SMO: variants seen among roughly 807,000 people sequenced by gnomAD.
SMO encodes the protein smoothened, frizzled class receptor, also known as protein smoothened.
Under a neutral mutation model 81.6 loss-of-function variants are expected in SMO, and 40 were observed. The ratio of observed to expected loss-of-function variants is 0.49; its 90% CI spans 0.38 to 0.64. The LOEUF is 0.64. Ranked by LOEUF, SMO falls within the 30% of genes least tolerant of loss-of-function variation. The pLI, the probability that SMO is intolerant of heterozygous loss-of-function variation, is 0.00. For synonymous variants in SMO, 434 were observed against 432.1 expected, an observed-to-expected ratio of 1.00 and a Z score of -0.05; for missense variants, 916 against 1,061.1, an observed-to-expected ratio of 0.86 and a Z score of 1.90.
chr7:129,206,060 A>G lies in SMO; in HGVS notation c.921-90A>G. ...TGACTTCTGGGAACCTCCAGACCTC[A>G]GCAGCTGAGGGTCTGGGCACAGGGT... On this transcript the variant is annotated intron_variant, in intron 4 of 11. Coordinates refer to ENST00000249373, the MANE Select transcript of SMO (RefSeq NM_005631.5). This position sits in a 1 kb window ranked among gnomAD's most constrained non-coding sequence, Gnocchi z 4.4. The G allele has an allele frequency of 8.8e-7, 1 of 1,130,000 alleles. No homozygotes were observed. Among genetic ancestry groups the G allele is most frequent in the Non-Finnish European group, 1.3e-6 (1 of 778,674 alleles). 70.0% of individuals were successfully genotyped at this position (1,130,000 alleles called of 1,614,324 possible). A position where few individuals can be genotyped will look rare whatever the true frequency, so the allele number is the denominator to read the frequency against.
At position 129,206,539 on chromosome 7, in the gene SMO, G is replaced by C; in HGVS notation, c.1216G>C (p.Ala406Pro). 1 of 1,614,172 alleles carries C rather than the reference G, an allele frequency of 6.2e-7. No homozygotes were observed. The highest frequency in any genetic ancestry group is 8.5e-7 in the Non-Finnish European group (1 of 1,180,030). The change falls in exon 6 of 12, where the codon GCC becomes CCC. Residue 406 changes from alanine (A) to proline (P), a missense_variant. This residue lies in a region of SMO where 436 missense variants were observed against 570.9 expected (regional missense o/e 0.76). Coordinates refer to ENST00000249373, the MANE Select transcript of SMO (RefSeq NM_005631.5). The surrounding 1 kb of genome is among the most constrained non-coding windows in gnomAD (Gnocchi z 4.4). ...CCGATACCGTGCGGGCTTCGTGCTG[G>C]CCCCAATCGGCCTGGTGCTCATCGT... ...NYRYRAGFVL[A>P]PIGLVLIVGG... is the part of the protein sequence containing the mutation.
intron 1 of SMO, among the ~76,000 whole-genome samples, chr7:129,192,833 C>G (rs1793499504): frequency 6.6e-6 from 1 of 152,136 alleles, no homozygotes; most frequent in South Asian, 2.1e-4. Flanking sequence ...CATTGGACAT[C>G]TATGTGGAGA....
At chr7:129,203,695 G>C (rs1229636946) in intron 2 of SMO, 106 bp downstream of exon 2, 1 of 856,352 alleles carries the variant, frequency 1.2e-6, no homozygotes, top group Non-Finnish European at 1.8e-6. Context: ...GTCTCCTGGA[G>C]ACCCTGAGCC....
rs1168369080 is a variant in SMO, at chr7:129,203,348, G to T, written c.332-36G>T. On this transcript the variant is annotated intron_variant, in intron 1 of 11. Transcript: ENST00000249373. Reference sequence around the variant, plus strand: ...AGCTGCGTCTGTGGGTCAGAGTGAGGAGGGGCCTTCACTGCAATGCTGTTG... The same window carrying T: ...AGCTGCGTCTGTGGGTCAGAGTGAGTAGGGGCCTTCACTGCAATGCTGTTG... 4.1e-6 allele frequency: 6 copies of T among 1,481,478 alleles called. No homozygotes were observed. In the South Asian group the frequency reaches 7.4e-5, roughly 18 times the overall value. 91.8% of individuals were successfully genotyped at this position (1,481,478 alleles called of 1,614,324 possible).
rs1793741069 is a variant in SMO at position 129,205,075 on chromosome 7, A to G, written c.538-128A>G. ...GAGAGGCCAAATAATTTGCCAAGCCAGCCCTGGGATTCAGGTCCTGGAAGT... is the reference window on the plus strand; with the variant it reads ...GAGAGGCCAAATAATTTGCCAAGCCGGCCCTGGGATTCAGGTCCTGGAAGT... On this transcript the variant is annotated intron_variant, in intron 2 of 11. Coordinates refer to ENST00000249373, the MANE Select transcript of SMO (RefSeq NM_005631.5). 1.1e-5 allele frequency: 8 copies of G among 742,602 alleles called. No individual in the cohort carries two copies. In the South Asian group the frequency reaches 1.3e-4, roughly 12 times the overall value. 46.0% of individuals were successfully genotyped at this position (742,602 alleles called of 1,614,324 possible).
At position 129,205,261 on chromosome 7, in the gene SMO, G is replaced by A. The variant is rs759466401; in HGVS notation, c.596G>A (p.Arg199Gln). 21 of 1,614,076 alleles carry A rather than the reference G, an allele frequency of 1.3e-5. No homozygotes were observed. The highest frequency in any genetic ancestry group is 1.2e-4 in the African/African-American group (9 of 74,934). ...SSGQCEVPLVRTDNPKSWYED... is the reference protein window; with the variant it reads ...SSGQCEVPLVQTDNPKSWYED... Reference sequence around the variant, plus strand: ...GGCCAGTGCGAAGTGCCCTTGGTTCGGACAGACAACCCCAAGAGCTGGTAC... The same window carrying A: ...GGCCAGTGCGAAGTGCCCTTGGTTCAGACAGACAACCCCAAGAGCTGGTAC... The change falls in exon 3 of 12, where the codon CGG becomes CAG. Residue 199 changes from arginine (R) to glutamine (Q), a missense_variant. Physicochemically the swap from Arg to Gln is conservative, Grantham distance 43. Coordinates refer to ENST00000249373, the MANE Select transcript of SMO (RefSeq NM_005631.5).
chr7:129,213,282 A>G lies in SMO; in HGVS notation c.*831A>G, dbSNP rs1061280. On this transcript the variant is annotated 3_prime_UTR_variant, in exon 12 of 12. Coordinates refer to ENST00000249373, the MANE Select transcript of SMO (RefSeq NM_005631.5). ...TGACAAAGCCTCTGAAAGATGCATC[A>G]TCTCTTCCTCACACCCATTTAGTGG... 0.15 allele frequency: 34,444 copies of G among 232,984 alleles called. 2,781 individuals carry two copies. The highest frequency in any genetic ancestry group is 0.25 in the East Asian group (4,140 of 16,544). The allele number at this position is 232,984 out of a possible 1,614,324, so 14.4% of individuals were successfully genotyped here. A position where few individuals can be genotyped will look rare whatever the true frequency, so the allele number is the denominator to read the frequency against.
chr7:129,202,500 G>A (rs999932189), intron 1 of SMO, among the ~76,000 whole-genome samples: 1 of 152,190 alleles, frequency 6.6e-6, no homozygotes, highest in Non-Finnish European at 1.5e-5. Flanking sequence ...GCTGAAGCAG[G>A]GTTGATTCAG....
intron 6 of SMO, among the ~76,000 whole-genome samples, chr7:129,207,034 G>A (rs985983920): frequency 2.0e-5 from 3 of 152,066 alleles, no homozygotes; most frequent in South Asian, 4.1e-4. Flanking sequence ...TAGTAGAGAC[G>A]GGGTTTCACC....
rs140304912 is a variant in SMO, at chr7:129,191,338, T to C, written c.331+1856T>C. Among the ~76,000 whole-genome samples the C allele has an allele frequency of 3.5e-3, 540 of 152,338 alleles. 2 individuals carry two copies. The highest frequency in any genetic ancestry group is 0.011 in the African/African-American group (459 of 41,572). ...CTGGAACATGTATCAATTAGTACCA[T>C]CTGCAGGTTGTGCAGGTTGAAATCT... On this transcript the variant is annotated intron_variant, in intron 1 of 11. Transcript: ENST00000249373.
At chr7:129,195,179 C>G (rs1348640318) in intron 1 of SMO, among the ~76,000 whole-genome samples, 1 of 152,184 alleles carries the variant, frequency 6.6e-6, no homozygotes, top group Admixed American at 6.5e-5. Flanking sequence ...TATCCTAGTA[C>G]AACTGGCACA....
rs45541540 is a variant in SMO, at chr7:129,205,400, G to C, written c.735G>C (p.Thr245=). The change falls in exon 3 of 12, where the codon ACG becomes ACC. Residue 245 remains threonine, a synonymous_variant. Coordinates refer to ENST00000249373, the MANE Select transcript of SMO (RefSeq NM_005631.5). ...TCGGGGCCGTCACGGGCCTCTGCAC[G>C]CTCTTCACCCTGGTCAGCCGCGGGA... is the stretch of plus-strand genomic sequence containing the variant. ...AAFGAVTGLC[T]LFTLATFVAD... The C allele has an allele frequency of 1.2e-6, 2 of 1,609,854 alleles. No individual in the cohort carries two copies. The highest frequency in any genetic ancestry group is 1.3e-5 in the African/African-American group (1 of 74,936).
In SMO at chr7:129,198,008, C is replaced by T. The variant is rs536593510; in HGVS notation, c.332-5376C>T. On this transcript the variant is annotated intron_variant, in intron 1 of 11. Transcript: ENST00000249373. ...TACTGATAAAGCTGATATCCCCTCT[C>T]TTTCTCGTTTCAGTTTCATATCCTT... 1.2e-3 allele frequency among the ~76,000 whole-genome samples: 185 copies of T among 152,324 alleles called. No individual in the cohort carries two copies. In the South Asian group the frequency reaches 0.014, roughly 11 times the overall value.
chr7:129,208,773 T>C lies in SMO; in HGVS notation c.1279T>C (p.Phe427Leu), dbSNP rs2150652205. ...CTTCTGTTCAGGAGTCATGACTCTG[T>C]TCTCCATCAAGAGCAACCACCCCGG... The part of the protein sequence containing the change: ...YFLIRGVMTL[F>L]SIKSNHPGLL... Residue 427 changes from phenylalanine to leucine, a missense_variant, in exon 7 of 12, where the codon TTC becomes CTC. Physicochemically the swap from Phe to Leu is conservative, Grantham distance 22. Coordinates refer to ENST00000249373, the MANE Select transcript of SMO (RefSeq NM_005631.5). This position sits in a 1 kb window ranked among gnomAD's most constrained non-coding sequence, Gnocchi z 5.2. 6.2e-7 allele frequency: 1 copy of C among 1,612,896 alleles called. No homozygotes were observed. The highest frequency in any genetic ancestry group is 1.1e-5 in the South Asian group (1 of 91,048).
Position 129,208,772 on chromosome 7 carries a change from G to T in SMO, c.1278G>T (p.Leu426=), listed in dbSNP as rs747770655. The part of the protein sequence containing the change: ...GYFLIRGVMT[L]FSIKSNHPGL... ...CCTTCTGTTCAGGAGTCATGACTCT[G>T]TTCTCCATCAAGAGCAACCACCCCG... Residue 426 remains leucine, a synonymous_variant, in exon 7 of 12, where the codon CTG becomes CTT. Transcript: ENST00000249373. This position sits in a 1 kb window ranked among gnomAD's most constrained non-coding sequence, Gnocchi z 5.2. The T allele has an allele frequency of 6.2e-7, 1 of 1,612,656 alleles. No individual in the cohort carries two copies. The highest frequency in any genetic ancestry group is 8.5e-7 in the Non-Finnish European group (1 of 1,178,758).
At chr7:129,199,331 C>G (rs1009136878) in intron 1 of SMO, among the ~76,000 whole-genome samples, 3 of 151,862 alleles carry the variant, frequency 2.0e-5, no homozygotes, top group African/African-American at 4.8e-5. Flanking sequence ...AGGCGCCCAC[C>G]ACCACACCTA....
In SMO at chr7:129,205,636, C is replaced by T. The variant is rs781053833; in HGVS notation, c.774C>T (p.Asn258=). The T allele has an allele frequency of 1.9e-6, 3 of 1,613,806 alleles. No homozygotes were observed. The highest frequency in any genetic ancestry group is 1.3e-5 in the African/African-American group (1 of 74,934). ...TLATFVADWR[N]SNRYPAVILF... ...CCACATTCGTGGCTGACTGGCGGAA[C>T]TCGAATCGCTACCCTGCTGTTATTC... Residue 258 remains asparagine, a synonymous_variant, in exon 4 of 12, where the codon AAC becomes AAT. Transcript: ENST00000249373.
intron 1 of SMO, among the ~76,000 whole-genome samples, chr7:129,202,455 T>G (rs1472388664): frequency 6.6e-6 from 1 of 152,124 alleles, no homozygotes; most frequent in African/African-American, 2.4e-5. Context: ...TCATATTCTC[T>G]CCTAATGCAA....
intron 1 of SMO, among the ~76,000 whole-genome samples, chr7:129,201,589 G>T (rs897924142): frequency 6.6e-6 from 1 of 152,058 alleles, no homozygotes; most frequent in Admixed American, 6.6e-5. Flanking sequence ...GGCAAATCCT[G>T]CCCTCACCCC....
Sources: allele counts gnomAD v4.1 joint callset (sites outside exome capture counted in the v4.1 genomes callset), GRCh38; gene constraint gnomAD v4.1.1; regional missense constraint gnomAD v4.1.1; non-coding constraint Gnocchi (gnomAD v3.1); transcripts MANE v1.5; gene names NCBI Gene and HGNC (gene_info 2026-07-23, HGNC 2026-07-21).